NMT1: variants seen among roughly 807,000 people sequenced by gnomAD.
NMT1 encodes glycylpeptide N-tetradecanoyltransferase 1.
Under a neutral mutation model 63.4 loss-of-function variants are expected in NMT1, and 12 were observed. The observed-to-expected ratio is 0.19, with a 90% CI of 0.12 to 0.31. The LOEUF (loss-of-function observed/expected upper bound fraction) is 0.31, where lower values mean the gene tolerates loss of function less well. NMT1 is among the 10% of genes least tolerant of loss of function. The probability of loss-of-function intolerance (pLI) is 1.00; values close to 1 mark genes in which losing one functional copy is unlikely to be tolerated. For missense variants in NMT1, 432 were observed against 634.6 expected, an observed-to-expected ratio of 0.68 and a Z score of 3.43; for synonymous variants, 228 against 234.3, an observed-to-expected ratio of 0.97 and a Z score of 0.25.
chr17:45,061,715 G>C (rs2053862008), intron 1 of NMT1: 3 of 383,568 alleles, frequency 7.8e-6, no homozygotes, highest in South Asian at 6.8e-5. Flanking sequence ...GTGTGCTTCA[G>C]GCCATTCCTG....
intron 2 of NMT1, among the ~76,000 whole-genome samples, chr17:45,084,353 G>A (rs1326847382): frequency 4.5e-5 from 5 of 110,520 alleles, no homozygotes; most frequent in African/African-American, 1.1e-4. Context: ...TTTTTTTTGC[G>A]AGACGGAGTC....
rs2054204864 is a variant in NMT1, at chr17:45,106,725, T to C, written c.*1086T>C. 1 of 152,702 alleles carries C rather than the reference T, an allele frequency of 6.5e-6. No homozygotes were observed. Among genetic ancestry groups the C allele is most frequent in the South Asian group, 2.1e-4 (1 of 4,832 alleles). 9.5% of individuals were successfully genotyped at this position (152,702 alleles called of 1,614,324 possible). ...TGCCTTCCAACCCATTAGCCATTTC[T>C]TGTTGTGCCCCTTTCCAAGATACAG... is the stretch of plus-strand genomic sequence containing the variant. On this transcript the variant is annotated 3_prime_UTR_variant, in exon 12 of 12. Transcript: ENST00000258960.
intron 6 of NMT1, among the ~76,000 whole-genome samples, chr17:45,097,903 C>G (rs2054136720): frequency 6.6e-6 from 1 of 152,200 alleles, no homozygotes; most frequent in Admixed American, 6.5e-5. Context: ...GACCCAGATT[C>G]AGATAGTCCT....
chr17:45,063,204 C>CAA (rs5820561), intron 1 of NMT1, among the ~76,000 whole-genome samples: 91 of 79,940 alleles, frequency 1.1e-3, no homozygotes, highest in East Asian at 2.2e-3. Flanking sequence ...GACTCCGACT[C>CAA]AAAAAAAAAA....
At position 45,105,813 on chromosome 17, in the gene NMT1, G is replaced by A. The variant is rs2054199631; in HGVS notation, c.*174G>A. On this transcript the variant is annotated 3_prime_UTR_variant, in exon 12 of 12. Transcript: ENST00000258960. This position sits in a 1 kb window ranked among gnomAD's most constrained non-coding sequence, Gnocchi z 4.2. ...TGACAATTGTATTGCGATGGCGTGGGCTGCGTGACGTCACCTCCGGTCGTG... is the reference window on the plus strand; with the variant it reads ...TGACAATTGTATTGCGATGGCGTGGACTGCGTGACGTCACCTCCGGTCGTG... 1.7e-6 allele frequency: 1 copy of A among 593,856 alleles called. No homozygotes were observed. The highest frequency in any genetic ancestry group is 3.2e-5 in the East Asian group (1 of 31,684). The allele number at this position is 593,856 out of a possible 1,614,324, so 36.8% of individuals were successfully genotyped here. A position where few individuals can be genotyped will look rare whatever the true frequency, so the allele number is the denominator to read the frequency against.
At chr17:45,069,841 C>G (rs1188345535) in intron 1 of NMT1, among the ~76,000 whole-genome samples, 1 of 151,480 alleles carries the variant, frequency 6.6e-6, no homozygotes. Flanking sequence ...TCTAATCGCA[C>G]CACTGCACTC....
intron 2 of NMT1, 136 bp downstream of exon 2, chr17:45,081,888 C>A (rs2054019359): frequency 1.4e-6 from 1 of 695,402 alleles, no homozygotes; most frequent in Admixed American, 2.9e-5. Flanking sequence ...GATCCCAGTG[C>A]TGTCCTCTGC....
chr17:45,066,982 A>C (rs1040824523), intron 1 of NMT1, among the ~76,000 whole-genome samples: 4 of 152,098 alleles, frequency 2.6e-5, no homozygotes, highest in African/African-American at 9.7e-5. Flanking sequence ...GGCCTCCCAA[A>C]CTGCTGGGAT....
rs1181243327 is a variant in NMT1, at chr17:45,103,540, G to C, written c.1165-169G>C. ...CCCACGATCACGGCTCTGTCCTCAA[G>C]TGCCCTGAGCCAATGTCCCTCCTCC... On this transcript the variant is annotated intron_variant, in intron 9 of 11. Coordinates refer to ENST00000258960, the MANE Select transcript of NMT1 (RefSeq NM_021079.5). The surrounding 1 kb of genome is among the most constrained non-coding windows in gnomAD (Gnocchi z 4.8). Among the ~76,000 whole-genome samples the C allele has an allele frequency of 6.6e-6, 1 of 152,152 alleles. No individual in the cohort carries two copies. The highest frequency in any genetic ancestry group is 1.5e-5 in the Non-Finnish European group (1 of 68,024).
intron 1 of NMT1, among the ~76,000 whole-genome samples, chr17:45,064,199 T>C (rs2053887158): frequency 6.6e-6 from 1 of 152,084 alleles, no homozygotes; most frequent in African/African-American, 2.4e-5. Flanking sequence ...AATAAATAAA[T>C]AAAATTATTT....
At chr17:45,068,941 T>C (rs1002151694) in intron 1 of NMT1, among the ~76,000 whole-genome samples, 1 of 151,376 alleles carries the variant, frequency 6.6e-6, no homozygotes, top group Admixed American at 6.6e-5. Context: ...TGAGCCACCA[T>C]GCCTGGACTT....
chr17:45,072,252 T>TAAA lies in NMT1; in HGVS notation c.132-9391_132-9390insAAA, dbSNP rs561408385. ...GGGTAACAGAGTAAGAAACTGTCTT[T>TAAA]ACAAAAAAAAAAAAACTCAGTATTT... On this transcript the variant is annotated intron_variant, in intron 1 of 11. Transcript: ENST00000258960. 2.8e-5 allele frequency among the ~76,000 whole-genome samples: 4 copies of TAAA among 143,594 alleles called. No homozygotes were observed. In the South Asian group the frequency reaches 6.7e-4, roughly 24 times the overall value. The allele number at this position is 143,594 out of a possible 152,430, so 94.2% of individuals were successfully genotyped here.
chr17:45,100,897 G>A lies in NMT1; in HGVS notation c.993+1384G>A, dbSNP rs1435774808. Among the ~76,000 whole-genome samples, 366 of 76,676 alleles carry A rather than the reference G, an allele frequency of 4.8e-3. 1 individual carries two copies. The highest frequency in any genetic ancestry group is 0.019 in the East Asian group (30 of 1,586). The allele number at this position is 76,676 out of a possible 152,430, so 50.3% of individuals were successfully genotyped here. ...AAAAAAAAAAAAAAAAAAAAAAAAA[G>A]AAGGCCAGGCGCGGTGGCTCACACC... is the stretch of plus-strand genomic sequence containing the variant. On this transcript the variant is annotated intron_variant, in intron 8 of 11. Coordinates refer to ENST00000258960, the MANE Select transcript of NMT1 (RefSeq NM_021079.5).
intron 2 of NMT1, among the ~76,000 whole-genome samples, chr17:45,083,389 A>G (rs1223400930): frequency 6.6e-6 from 1 of 152,138 alleles, no homozygotes; most frequent in Non-Finnish European, 1.5e-5. Flanking sequence ...AAGCCTCGCA[A>G]AAATCCATAT....
At chr17:45,062,761 C>T (rs2053874180) in intron 1 of NMT1, among the ~76,000 whole-genome samples, 1 of 152,080 alleles carries the variant, frequency 6.6e-6, no homozygotes, top group South Asian at 2.1e-4. Context: ...GTAAGTACAC[C>T]CTATAATGTT....
At chr17:45,079,392 G>A (rs796521888) in intron 1 of NMT1, among the ~76,000 whole-genome samples, 1 of 151,190 alleles carries the variant, frequency 6.6e-6, no homozygotes, top group Non-Finnish European at 1.5e-5. Flanking sequence ...ATAAGCCACC[G>A]CGCCCAGCCA....
At chr17:45,091,187 G>GACACACACACACACACACACACACAC (rs3062356) in intron 3 of NMT1, among the ~76,000 whole-genome samples, 28 of 121,058 alleles carry the variant, frequency 2.3e-4, no homozygotes, top group East Asian at 5.1e-4. Flanking sequence ...GGTCTTTCCT[G>GACACACACACACACACACACACACAC]ACACACACAC....
At chr17:45,092,468 C>T (rs1046264134) in intron 3 of NMT1, among the ~76,000 whole-genome samples, 5 of 150,898 alleles carry the variant, frequency 3.3e-5, no homozygotes, top group Admixed American at 2.0e-4. Context: ...GAGGCCGAGG[C>T]GGGTGGATCA....
At chr17:45,099,854 C>A (rs776096260) in intron 8 of NMT1, 1 of 251,224 alleles carries the variant, frequency 4.0e-6, no homozygotes, top group Admixed American at 4.7e-5. Context: ...CACGGCAGCG[C>A]GTTCCAAAGC....
Sources: allele counts gnomAD v4.1 joint callset (sites outside exome capture counted in the v4.1 genomes callset), GRCh38; gene constraint gnomAD v4.1.1; non-coding constraint Gnocchi (gnomAD v3.1); transcripts MANE v1.5; gene names NCBI Gene and HGNC (gene_info 2026-07-23, HGNC 2026-07-21).